Variants in PDE11A observed in about 807,000 individuals in gnomAD.
PDE11A encodes the protein dual 3',5'-cyclic-AMP and -GMP phosphodiesterase 11A.
Under a neutral mutation model 100.5 loss-of-function variants are expected in PDE11A, and 100 were observed. The ratio of observed to expected loss-of-function variants is 1.00; its 90% confidence interval spans 0.85 to 1.18. The LOEUF is 1.18. Among genes scored for constraint, PDE11A ranks in the 50% most tolerant of loss-of-function variants. PDE11A has a pLI of 0.00. For synonymous variants in PDE11A, 381 were observed against 420.8 expected, an observed-to-expected ratio of 0.91 and a Z score of 1.16; for missense variants, 1,141 against 1,152.6, an observed-to-expected ratio of 0.99 and a Z score of 0.15.
chr2:177,668,190 C>T (rs1344615072), intron 18 of PDE11A, among the ~76,000 whole-genome samples: 4 of 152,158 alleles, frequency 2.6e-5, no homozygotes, highest in African/African-American at 7.2e-5. Context: ...CTTAGTGCTG[C>T]GCTACTGCAC....
At chr2:177,777,662 T>C (rs1235371747) in intron 9 of PDE11A, among the ~76,000 whole-genome samples, 14 of 152,210 alleles carry the variant, frequency 9.2e-5, no homozygotes, top group Admixed American at 9.2e-4. Context: ...ATTGAATGCA[T>C]TATAATAGTT....
chr2:178,105,317 G>A (rs985770482), intron 1 of PDE11A, among the ~76,000 whole-genome samples: 44 of 152,144 alleles, frequency 2.9e-4, no homozygotes, highest in Middle Eastern at 3.4e-3. Flanking sequence ...AAAATTAGCC[G>A]GGTGTGGTGG....
chr2:178,104,167 A>T, intron 2 of PDE11A: 1 of 801,650 alleles, frequency 1.2e-6, no homozygotes. Context: ...TATGATATAA[A>T]TCCATATTTC....
chr2:178,010,818 A>C (rs888413538), intron 2 of PDE11A, among the ~76,000 whole-genome samples: 3 of 152,236 alleles, frequency 2.0e-5, no homozygotes, highest in Non-Finnish European at 4.4e-5. Flanking sequence ...AAATTAGTAC[A>C]TATAAGGATA....
chr2:178,034,261 A>T (rs1171898505), intron 1 of PDE11A, among the ~76,000 whole-genome samples: 1 of 152,226 alleles, frequency 6.6e-6, no homozygotes, highest in Non-Finnish European at 1.5e-5. Flanking sequence ...TCTCTGATAA[A>T]ACAGACTTTA....
chr2:177,917,935 T>C (rs1045075925), intron 2 of PDE11A, among the ~76,000 whole-genome samples: 1 of 152,254 alleles, frequency 6.6e-6, no homozygotes, highest in African/African-American at 2.4e-5. Context: ...AGAGCATTAA[T>C]ATTTAATTAA....
intron 9 of PDE11A, among the ~76,000 whole-genome samples, chr2:177,788,882 T>C (rs1461610180): frequency 5.9e-5 from 9 of 151,998 alleles, no homozygotes; most frequent in Non-Finnish European, 1.0e-4. Flanking sequence ...GGATCTGAAA[T>C]TGTGGCAATA....
At chr2:177,697,701 T>G (rs111557540) in intron 14 of PDE11A, among the ~76,000 whole-genome samples, 1 of 152,332 alleles carries the variant, frequency 6.6e-6, no homozygotes, top group African/African-American at 2.4e-5. Context: ...TATCTTACTA[T>G]GAATATGTTG....
At chr2:177,981,450 A>G (rs1257862253) in intron 2 of PDE11A, among the ~76,000 whole-genome samples, 1 of 150,328 alleles carries the variant, frequency 6.7e-6, no homozygotes, top group Non-Finnish European at 1.5e-5. Context: ...TTTTTGGTTT[A>G]TGGCAGCATA....
rs1321881023 is a variant in PDE11A, at chr2:177,944,880, A to C, written c.1072-39693T>G. 2.8e-5 allele frequency among the ~76,000 whole-genome samples: 4 copies of C among 141,902 alleles called. No homozygotes were observed. The East Asian group carries it at 7.3e-4, about 26-fold the overall frequency. 93.1% of individuals were successfully genotyped at this position (141,902 alleles called of 152,430 possible). A position where few individuals can be genotyped will look rare whatever the true frequency, so the allele number is the denominator to read the frequency against. On this transcript the variant is annotated intron_variant, in intron 2 of 19. Transcript: ENST00000286063. Reference sequence around the variant, plus strand: ...TCCCCACGGTCTCCCTCTCATGTGGAGCCAAAGCTGGACTGTACTGCTGCC... The same window carrying C: ...TCCCCACGGTCTCCCTCTCATGTGGCGCCAAAGCTGGACTGTACTGCTGCC...
rs2084638057 is a variant in PDE11A, at chr2:177,898,079, G to T, written c.1281C>A (p.Leu427=). ...LLKCERCSVL[L]LEDIESPVVK... ...TTACTGGTGATTCGATGTCCTCTAG[G>T]AGTAAAACAGAACAGCGTTCACATT... Residue 427 remains leucine (L), a synonymous_variant, in exon 4 of 20, where the codon CTC becomes CTA. Coordinates refer to ENST00000286063, the MANE Select transcript of PDE11A (RefSeq NM_016953.4). 1 of 1,612,494 alleles carries T rather than the reference G, an allele frequency of 6.2e-7. No homozygotes were observed. Among genetic ancestry groups the T allele is most frequent in the Middle Eastern group, 1.7e-4 (1 of 6,054 alleles).
chr2:178,028,654 T>C (rs1261594835), intron 1 of PDE11A, among the ~76,000 whole-genome samples: 1 of 152,194 alleles, frequency 6.6e-6, no homozygotes, highest in African/African-American at 2.4e-5. Flanking sequence ...AACATGTCAT[T>C]TTCTTAGCCA....
intron 2 of PDE11A, among the ~76,000 whole-genome samples, chr2:178,099,960 A>T (rs758584911): frequency 6.6e-6 from 1 of 152,358 alleles, no homozygotes; most frequent in Non-Finnish European, 1.5e-5. Context: ...ACGTTATAAC[A>T]TAAATGAACC....
At chr2:177,670,779 T>C (rs2080667480) in intron 17 of PDE11A, among the ~76,000 whole-genome samples, 1 of 152,188 alleles carries the variant, frequency 6.6e-6, no homozygotes, top group Non-Finnish European at 1.5e-5. Context: ...CACACACATC[T>C]GAGAGTAGCA....
At position 178,013,144 on chromosome 2, in the gene PDE11A, C is replaced by T. The variant is rs1220885835; in HGVS notation, c.1071+1158G>A. On this transcript the variant is annotated intron_variant, in intron 2 of 19. Coordinates refer to ENST00000286063, the MANE Select transcript of PDE11A (RefSeq NM_016953.4). ...TTTTCAGATCCAAGTGAGAACAAGC[C>T]TGTCTTTCCTAGGCGCCCCCAGCCT... is the stretch of plus-strand genomic sequence containing the variant. Among the ~76,000 whole-genome samples the T allele has an allele frequency of 5.9e-5, 9 of 152,174 alleles. 1 individual carries two copies. The highest frequency in any genetic ancestry group is 2.2e-4 in the African/African-American group (9 of 41,438).
chr2:178,014,485 T>G (rs1344496182), intron 1 of PDE11A, 25 bp from the exon 2 acceptor site: 4 of 1,593,604 alleles, frequency 2.5e-6, no homozygotes, highest in South Asian at 2.2e-5. Context: ...AAGAAAGCAT[T>G]AACTGCATGT....
rs114276736 is a variant in PDE11A at position 177,714,527 on chromosome 2, A to G, written c.2044-2649T>C. On this transcript the variant is annotated intron_variant, in intron 12 of 19. Transcript: ENST00000286063. The stretch of plus-strand genomic sequence containing the variant: ...ATGCCCAGGGTCTCCCAGCTAGTGC[A>G]TAGCAGAAGGGAGCAAGCTCCTAGC... Among the ~76,000 whole-genome samples the G allele has an allele frequency of 4.0e-3, 603 of 152,282 alleles. 5 individuals carry two copies. The highest frequency in any genetic ancestry group is 0.014 in the African/African-American group (562 of 41,556).
At chr2:178,030,054 G>A (rs1006474716) in intron 1 of PDE11A, among the ~76,000 whole-genome samples, 5 of 152,032 alleles carry the variant, frequency 3.3e-5, no homozygotes, top group Admixed American at 6.6e-5. Flanking sequence ...ATAAATTACC[G>A]AGTCTATGGT....
At chr2:178,065,172 A>G (rs1264140216) in intron 1 of PDE11A, among the ~76,000 whole-genome samples, 1 of 152,186 alleles carries the variant, frequency 6.6e-6, no homozygotes, top group Non-Finnish European at 1.5e-5. Flanking sequence ...TTCACTTTCC[A>G]AAAGAATGTG....
Sources: allele counts gnomAD v4.1 joint callset (sites outside exome capture counted in the v4.1 genomes callset), GRCh38; gene constraint gnomAD v4.1.1; transcripts MANE v1.5; gene names NCBI Gene and HGNC (gene_info 2026-07-23, HGNC 2026-07-21).